IGF2BP1: variants seen among roughly 807,000 people sequenced by gnomAD.
The protein encoded by IGF2BP1 is insulin like growth factor 2 mRNA binding protein 1.
In IGF2BP1, 11 loss-of-function variants were observed where a neutral mutation model predicts 74.9. That is an observed-to-expected ratio of 0.15 (90% CI 0.09 to 0.24). IGF2BP1 has a LOEUF of 0.24. Ranked by LOEUF, IGF2BP1 falls within the 10% of genes least tolerant of loss-of-function variation. The pLI is 1.00. For synonymous variants in IGF2BP1, 287 were observed against 281.8 expected (o/e 1.02, Z -0.18); for missense variants, 440 against 757.4 (o/e 0.58, Z 4.92).
At chr17:48,998,606 C>T (rs895241672) in intron 1 of IGF2BP1, among the ~76,000 whole-genome samples, 4 of 152,174 alleles carry the variant, frequency 2.6e-5, no homozygotes, top group Non-Finnish European at 5.9e-5. Flanking sequence ...CCCCGCCAGG[C>T]CCCGCTCCGC....
intron 5 of IGF2BP1, among the ~76,000 whole-genome samples, chr17:49,037,955 G>A (rs770349222): frequency 3.9e-5 from 6 of 152,216 alleles, no homozygotes; most frequent in African/African-American, 9.6e-5. Context: ...AAGTGTTAGG[G>A]AACACTGTAT....
intron 5 of IGF2BP1, 117 bp downstream of exon 5, chr17:49,032,090 G>C (rs1056211152): frequency 2.3e-6 from 2 of 858,310 alleles, no homozygotes; most frequent in Admixed American, 2.2e-5. Context: ...CCCCATCCAG[G>C]GTTCTGATAT....
chr17:49,038,874 ATATTT>A (rs2042017564), intron 6 of IGF2BP1, among the ~76,000 whole-genome samples: 2 of 75,276 alleles, frequency 2.7e-5, no homozygotes, highest in African/African-American at 5.6e-5. Flanking sequence ...TCTTTCTTTA[ATATTT>A]TTTTTTTTTT....
chr17:49,021,592 A>G (rs1793728509), intron 2 of IGF2BP1, among the ~76,000 whole-genome samples: 1 of 152,224 alleles, frequency 6.6e-6, no homozygotes, highest in Non-Finnish European at 1.5e-5. Flanking sequence ...CAGAAGCCAC[A>G]GCATGTTGGC....
intron 2 of IGF2BP1, among the ~76,000 whole-genome samples, chr17:49,005,179 C>T (rs2041535936): frequency 6.6e-6 from 1 of 152,170 alleles, no homozygotes; most frequent in African/African-American, 2.4e-5. Context: ...TTTGCTCTAA[C>T]CATAGTTGAC....
rs1038867802 is a variant in IGF2BP1 at position 49,020,412 on chromosome 17, C to T, written c.237-5206C>T. Among the ~76,000 whole-genome samples, 3 of 152,258 alleles carry T rather than the reference C, an allele frequency of 2.0e-5. No homozygotes were observed. The East Asian group carries it at 5.8e-4, about 29-fold the overall frequency. On this transcript the variant is annotated intron_variant, in intron 2 of 14. Transcript: ENST00000290341. ...GATTCATTATCTCATATAATTCTCC[C>T]TACCCACTAAGGTGGTATCAACGGA... is the stretch of plus-strand genomic sequence containing the variant.
chr17:49,030,912 G>A (rs2041914136), intron 4 of IGF2BP1, among the ~76,000 whole-genome samples: 1 of 152,068 alleles, frequency 6.6e-6, no homozygotes, highest in Admixed American at 6.5e-5. Context: ...TTACAGGTGT[G>A]AGCCACCGCT....
At chr17:49,018,938 A>C (rs150108694) in intron 2 of IGF2BP1, among the ~76,000 whole-genome samples, 106 of 152,150 alleles carry the variant, frequency 7.0e-4, no homozygotes, top group African/African-American at 2.4e-3. Context: ...TTTGCTGGAG[A>C]TGAAAGTCCA....
intron 6 of IGF2BP1, among the ~76,000 whole-genome samples, chr17:49,038,966 C>T (rs2042019254): frequency 6.6e-6 from 1 of 151,302 alleles, no homozygotes; most frequent in African/African-American, 2.4e-5. Context: ...CAACCTCTGC[C>T]TCCCGGGTTC....
intron 14 of IGF2BP1, among the ~76,000 whole-genome samples, chr17:49,048,987 A>G (rs948445404): frequency 3.3e-5 from 5 of 151,688 alleles, no homozygotes. Flanking sequence ...GCAATATGTA[A>G]TATATTTCTG....
Position 49,054,828 on chromosome 17 carries a change from G to T in IGF2BP1, c.*5384G>T, listed in dbSNP as rs1319111777. On this transcript the variant is annotated 3_prime_UTR_variant, in exon 15 of 15. Transcript: ENST00000290341. ...TTTTTCAGTCTTCAATGGGGGCCCA[G>T]TTGGCTCTAGAAGGAGAAGAGGTGA... is the stretch of plus-strand genomic sequence containing the variant. 1 of 152,272 alleles carries T rather than the reference G, an allele frequency of 6.6e-6. No individual in the cohort carries two copies. The highest frequency in any genetic ancestry group is 1.5e-5 in the Non-Finnish European group (1 of 68,082). The allele number at this position is 152,272 out of a possible 1,614,324, so 9.4% of individuals were successfully genotyped here.
intron 8 of IGF2BP1, 127 bp downstream of exon 8, chr17:49,041,627 A>T: frequency 7.8e-7 from 1 of 1,275,680 alleles, no homozygotes; most frequent in Non-Finnish European, 1.1e-6. Context: ...TTGAAGAAAA[A>T]CAGTCGAAGT....
rs368036641 is a variant in IGF2BP1 at position 49,038,471 on chromosome 17, A to AT, written c.683+23dup. The AT allele has an allele frequency of 4.8e-4, 695 of 1,458,042 alleles. 2 individuals carry two copies. The African/African-American group carries it at 8.9e-3, about 19-fold the overall frequency. 90.3% of individuals were successfully genotyped at this position (1,458,042 alleles called of 1,614,324 possible). ...CCAAGTGAGTCTTGGCTCTTGGGGA[A>AT]TGGAGGTTGGGTGCTAGGGAACAGT... On this transcript the variant is annotated intron_variant, in intron 6 of 14. Transcript: ENST00000290341.
intron 6 of IGF2BP1, among the ~76,000 whole-genome samples, chr17:49,038,730 C>T (rs557199307): frequency 6.6e-6 from 1 of 152,186 alleles, no homozygotes; most frequent in Non-Finnish European, 1.5e-5. Flanking sequence ...TCCAAGCAAA[C>T]CTCATTTTGA....
At chr17:49,023,655 A>G (rs2041817941) in intron 2 of IGF2BP1, among the ~76,000 whole-genome samples, 1 of 152,148 alleles carries the variant, frequency 6.6e-6, no homozygotes, top group Non-Finnish European at 1.5e-5. Flanking sequence ...GCTTAATTAG[A>G]GGGACAGCCA....
chr17:48,998,067 G>A, intron 1 of IGF2BP1, 147 bp downstream of exon 1: 1 of 742,748 alleles, frequency 1.3e-6, no homozygotes, highest in Non-Finnish European at 2.1e-6. Context: ...TACCCCCTTC[G>A]ATGCCCCCTC....
chr17:49,000,933 G>C (rs1433188906), intron 2 of IGF2BP1, among the ~76,000 whole-genome samples: 5 of 143,936 alleles, frequency 3.5e-5, no homozygotes, highest in African/African-American at 1.3e-4. Context: ...TTTGTGAGAA[G>C]ACTGGGTAAA....
chr17:49,002,552 A>C (rs1411651370), intron 2 of IGF2BP1, among the ~76,000 whole-genome samples: 2 of 152,166 alleles, frequency 1.3e-5, no homozygotes, highest in Non-Finnish European at 2.9e-5. Flanking sequence ...AATGGTTGTA[A>C]TTATGAATTA....
chr17:49,022,625 A>T (rs2041806728), intron 2 of IGF2BP1, among the ~76,000 whole-genome samples: 1 of 152,102 alleles, frequency 6.6e-6, no homozygotes, highest in African/African-American at 2.4e-5. Flanking sequence ...CCTCTCCTGG[A>T]ACATTCCAGA....
Sources: gnomAD v4.1 joint callset for allele counts (sites outside exome capture counted in the v4.1 genomes callset) on GRCh38, gnomAD v4.1.1 for gene constraint, MANE v1.5 for transcripts, NCBI Gene and HGNC (gene_info 2026-07-23, HGNC 2026-07-21) for gene names.